Variants in GNA14 observed in about 807,000 individuals in gnomAD.
The protein encoded by GNA14 is guanine nucleotide-binding protein subunit alpha-14.
Under a neutral mutation model 42.0 loss-of-function variants are expected in GNA14, and 50 were observed. That is an observed-to-expected ratio of 1.19 (90% confidence interval 0.95 to 1.51). The LOEUF (loss-of-function observed/expected upper bound fraction) is 1.51. Among genes scored for constraint, GNA14 ranks in the 40% most tolerant of loss-of-function variants. The pLI, the probability that GNA14 is intolerant of heterozygous loss-of-function variation, is 0.00. For missense variants in GNA14, 473 were observed against 446.2 expected (o/e 1.06, Z -0.54); for synonymous variants, 173 against 163.1 (o/e 1.06, Z -0.46).
At chr9:77,427,930 T>A (rs1017851212) in intron 5 of GNA14, among the ~76,000 whole-genome samples, 1 of 152,228 alleles carries the variant, frequency 6.6e-6, no homozygotes, top group Admixed American at 6.5e-5. Context: ...AGGAAGCCTG[T>A]GCCCAGGTAA....
At chr9:77,514,404 T>C (rs780326802) in intron 2 of GNA14, among the ~76,000 whole-genome samples, 1 of 152,118 alleles carries the variant, frequency 6.6e-6, no homozygotes, top group Non-Finnish European at 1.5e-5. Context: ...TTCACGTTTA[T>C]TGAGCCCGAA....
intron 1 of GNA14, among the ~76,000 whole-genome samples, chr9:77,630,530 G>A (rs533307653): frequency 3.3e-5 from 5 of 152,246 alleles, no homozygotes; most frequent in African/African-American, 1.2e-4. Context: ...TTTTTAAAAT[G>A]TGTAAATAGG....
intron 1 of GNA14, among the ~76,000 whole-genome samples, chr9:77,577,174 C>A (rs927431021): frequency 2.0e-5 from 3 of 152,186 alleles, no homozygotes; most frequent in African/African-American, 7.2e-5. Context: ...AGTCTCTCAT[C>A]CCAAATTAAA....
chr9:77,484,495 G>T (rs1454492635), intron 2 of GNA14, among the ~76,000 whole-genome samples: 2 of 152,068 alleles, frequency 1.3e-5, no homozygotes, highest in South Asian at 2.1e-4. Flanking sequence ...AGTGTGGGTG[G>T]GTGGGTGTGG....
At chr9:77,618,752 G>A (rs1468990155) in intron 1 of GNA14, among the ~76,000 whole-genome samples, 1 of 136,720 alleles carries the variant, frequency 7.3e-6, no homozygotes, top group East Asian at 2.2e-4. Flanking sequence ...TCCTGCCTCA[G>A]CCTCCCAAGT....
At chr9:77,552,722 G>A (rs973699904) in intron 1 of GNA14, among the ~76,000 whole-genome samples, 7 of 152,186 alleles carry the variant, frequency 4.6e-5, no homozygotes, top group African/African-American at 1.4e-4. Flanking sequence ...GAGAAACAAG[G>A]ATAAATTTTA....
intron 1 of GNA14, among the ~76,000 whole-genome samples, chr9:77,584,138 C>T (rs922217312): frequency 5.3e-5 from 8 of 152,090 alleles, no homozygotes; most frequent in African/African-American, 1.9e-4. Context: ...TTGTTCATTC[C>T]CATTCAGTTT....
chr9:77,464,688 C>T (rs551936056), intron 2 of GNA14, among the ~76,000 whole-genome samples: 52 of 152,182 alleles, frequency 3.4e-4, no homozygotes, highest in African/African-American at 1.2e-3. Context: ...CTCCAGAAAA[C>T]CGCCGTACCT....
intron 1 of GNA14, among the ~76,000 whole-genome samples, chr9:77,587,020 C>G (rs1823316245): frequency 6.8e-6 from 1 of 147,388 alleles, no homozygotes; most frequent in Non-Finnish European, 1.5e-5. Context: ...TTGGGGGCTG[C>G]TTTTTATTAA....
chr9:77,553,563 C>T (rs1467780972), intron 1 of GNA14, among the ~76,000 whole-genome samples: 2 of 152,072 alleles, frequency 1.3e-5, no homozygotes, highest in South Asian at 2.1e-4. Context: ...AACTATTTGG[C>T]CTCATTATCA....
chr9:77,460,875 T>C (rs1457521577), intron 2 of GNA14, among the ~76,000 whole-genome samples: 2 of 152,146 alleles, frequency 1.3e-5, no homozygotes, highest in Non-Finnish European at 2.9e-5. Flanking sequence ...TTTTTGTAAA[T>C]TGGATTTATT....
intron 1 of GNA14, among the ~76,000 whole-genome samples, chr9:77,575,313 C>T (rs994437348): frequency 6.6e-6 from 1 of 152,150 alleles, no homozygotes; most frequent in African/African-American, 2.4e-5. Context: ...ACCTGGAAGG[C>T]GGACGTTGCA....
chr9:77,462,857 C>A (rs1209250060), intron 2 of GNA14, among the ~76,000 whole-genome samples: 1 of 152,132 alleles, frequency 6.6e-6, no homozygotes, highest in Non-Finnish European at 1.5e-5. Flanking sequence ...CAGCTTTAAA[C>A]TTCTCCCCAG....
intron 6 of GNA14, 70 bp from the exon 7 acceptor site, chr9:77,424,239 T>C (rs1835418954): frequency 9.0e-7 from 1 of 1,113,630 alleles, no homozygotes; most frequent in South Asian, 1.6e-5. Flanking sequence ...AACCTTTTTT[T>C]TGAGACAGAG....
At chr9:77,623,138 C>G (rs1823955136) in intron 1 of GNA14, among the ~76,000 whole-genome samples, 1 of 137,576 alleles carries the variant, frequency 7.3e-6, no homozygotes. Context: ...ATTGCTTGAA[C>G]CCGGGGAGGC....
chr9:77,520,868 T>C (rs549776261), intron 2 of GNA14, among the ~76,000 whole-genome samples: 1 of 152,364 alleles, frequency 6.6e-6, no homozygotes, highest in South Asian at 2.1e-4. Context: ...TACTCAGTTC[T>C]GAGGTAGGGG....
intron 2 of GNA14, among the ~76,000 whole-genome samples, chr9:77,495,219 C>T (rs942045877): frequency 2.0e-5 from 3 of 151,802 alleles, no homozygotes; most frequent in African/African-American, 4.8e-5. Context: ...TGCTACACAG[C>T]GAATGGGCTG....
In GNA14 at chr9:77,428,071, C is replaced by CTTTTTTTTT. The variant is rs1182913068; in HGVS notation, c.723+827_723+835dup. Among the ~76,000 whole-genome samples, 56 of 130,652 alleles carry CTTTTTTTTT rather than the reference C, an allele frequency of 4.3e-4. 2 individuals carry two copies. The highest frequency in any genetic ancestry group is 1.5e-3 in the African/African-American group (50 of 34,048). 85.7% of individuals were successfully genotyped at this position (130,652 alleles called of 152,430 possible). A position where few individuals can be genotyped will look rare whatever the true frequency, so the allele number is the denominator to read the frequency against. The stretch of plus-strand genomic sequence containing the variant: ...TTCAGTCCAAGAGATGGCATTTTTT[C>CTTTTTTTTT]TTTTTTTTTTTCTTTTTTTTTTTTT... On this transcript the variant is annotated intron_variant, in intron 5 of 6. Coordinates refer to ENST00000341700, the MANE Select transcript of GNA14 (RefSeq NM_004297.4).
At chr9:77,577,199 C>T (rs993006791) in intron 1 of GNA14, among the ~76,000 whole-genome samples, 5 of 152,148 alleles carry the variant, frequency 3.3e-5, no homozygotes, top group African/African-American at 7.2e-5. Context: ...CTCAAGAATT[C>T]ATTTTACTTA....
Sources: allele counts gnomAD v4.1 joint callset (sites outside exome capture counted in the v4.1 genomes callset), GRCh38; gene constraint gnomAD v4.1.1; transcripts MANE v1.5; gene names NCBI Gene and HGNC (gene_info 2026-07-23, HGNC 2026-07-21).